GRB10: variants seen among roughly 807,000 people sequenced by gnomAD.
GRB10 encodes growth factor receptor-bound protein 10.
Under a neutral mutation model 80.9 loss-of-function variants are expected in GRB10, and 20 were observed. The observed-to-expected ratio is 0.25, with a 90% CI of 0.17 to 0.36. The LOEUF (loss-of-function observed/expected upper bound fraction) is 0.36. Ranked by LOEUF, GRB10 falls within the 10% of genes least tolerant of loss-of-function variation. The pLI is 1.00. For synonymous variants in GRB10, 291 were observed against 291.5 expected, an observed-to-expected ratio of 1.00 and a Z score of 0.02; for missense variants, 548 against 747.7, an observed-to-expected ratio of 0.73 and a Z score of 3.12.
At chr7:50,736,440 A>G (rs2070803712) in intron 3 of GRB10, among the ~76,000 whole-genome samples, 1 of 152,154 alleles carries the variant, frequency 6.6e-6, no homozygotes, top group South Asian at 2.1e-4. Context: ...TGGTCAACTG[A>G]TTTTCAGTAA....
At chr7:50,674,338 C>T (rs2060669469) in intron 6 of GRB10, 98 bp downstream of exon 6, 3 of 1,210,456 alleles carry the variant, frequency 2.5e-6, no homozygotes, top group East Asian at 4.8e-5. Context: ...GCAAGACCAA[C>T]ACTATTCCCC....
At chr7:50,642,539 T>A (rs1002512659) in intron 7 of GRB10, among the ~76,000 whole-genome samples, 18 of 152,172 alleles carry the variant, frequency 1.2e-4, no homozygotes, top group African/African-American at 4.3e-4. Context: ...ATTGCTAATT[T>A]AAAAATACAA....
At chr7:50,756,149 C>T (rs2075045776) in intron 2 of GRB10, 93 bp from the exon 3 acceptor site, 1 of 398,054 alleles carries the variant, frequency 2.5e-6, no homozygotes, top group African/African-American at 2.1e-5. Context: ...TTAAAACAGA[C>T]ATGAAAGAAT....
intron 5 of GRB10, among the ~76,000 whole-genome samples, chr7:50,685,483 C>A (rs1018960367): frequency 1.3e-5 from 2 of 151,998 alleles, no homozygotes; most frequent in African/African-American, 4.8e-5. Context: ...TACTGGAGCC[C>A]GAAGGAGGGA....
chr7:50,770,223 T>A (rs2076844803), intron 2 of GRB10, among the ~76,000 whole-genome samples: 1 of 152,196 alleles, frequency 6.6e-6, no homozygotes. Flanking sequence ...CCAGGCTGCA[T>A]CCACGTTTTA....
intron 5 of GRB10, among the ~76,000 whole-genome samples, chr7:50,692,127 C>A (rs2062886860): frequency 6.6e-6 from 1 of 152,140 alleles, no homozygotes; most frequent in Non-Finnish European, 1.5e-5. Context: ...ACAGCATTTA[C>A]ATTGCATTAA....
intron 4 of GRB10, among the ~76,000 whole-genome samples, chr7:50,709,006 A>T (rs997357361): frequency 3.3e-5 from 5 of 152,064 alleles, no homozygotes; most frequent in African/African-American, 1.2e-4. Context: ...GCCCTTAATC[A>T]CTATGCTCTC....
intron 4 of GRB10, among the ~76,000 whole-genome samples, chr7:50,714,024 A>G (rs2066421992): frequency 6.6e-6 from 1 of 150,428 alleles, no homozygotes; most frequent in Non-Finnish European, 1.5e-5. Context: ...CATTATCTCT[A>G]TATCCTCCTC....
At chr7:50,733,861 G>A (rs561694301) in intron 3 of GRB10, among the ~76,000 whole-genome samples, 4 of 152,278 alleles carry the variant, frequency 2.6e-5, no homozygotes, top group South Asian at 4.1e-4. Context: ...TAAAGGAAAT[G>A]ACCCTTAACA....
chr7:50,604,241 G>C lies in GRB10; in HGVS notation c.1456+70C>G, dbSNP rs373021745. On this transcript the variant is annotated intron_variant, in intron 16 of 18. Coordinates refer to ENST00000401949, the MANE Select transcript of GRB10 (RefSeq NM_001350814.2). ...GCCACAGGCAAATTCGTAAGGCTGA[G>C]GGGGAGTGGAGGGGGGTGCTGTTTG... 2.9e-5 allele frequency: 40 copies of C among 1,384,752 alleles called. No individual in the cohort carries two copies. The African/African-American group carries it at 5.1e-4, about 18-fold the overall frequency. The allele number at this position is 1,384,752 out of a possible 1,614,324, so 85.8% of individuals were successfully genotyped here.
intron 5 of GRB10, among the ~76,000 whole-genome samples, chr7:50,691,539 G>C (rs2062817306): frequency 6.6e-6 from 1 of 152,220 alleles, no homozygotes; most frequent in Non-Finnish European, 1.5e-5. Context: ...AGCTGGAGAA[G>C]TCACTTAAAC....
chr7:50,714,184 A>C (rs17151254), intron 4 of GRB10, among the ~76,000 whole-genome samples: 1,602 of 152,346 alleles, frequency 0.011, 28 homozygotes, highest in African/African-American at 0.035. Context: ...TTAATTTGTT[A>C]GAATAGTCAA....
At chr7:50,756,093 GA>G (rs1341101732) in intron 2 of GRB10, 37 bp from the exon 3 acceptor site, 1 of 398,526 alleles carries the variant, frequency 2.5e-6, no homozygotes, top group Non-Finnish European at 4.4e-6. Context: ...AACTTCCGTA[GA>G]ATTTATACAA....
intron 3 of GRB10, among the ~76,000 whole-genome samples, chr7:50,749,333 T>C (rs2073721212): frequency 6.6e-6 from 1 of 152,118 alleles, no homozygotes; most frequent in Non-Finnish European, 1.5e-5. Context: ...TTCATCATGT[T>C]GGCCAGGCTG....
At chr7:50,681,190 G>A (rs777030938) in intron 5 of GRB10, among the ~76,000 whole-genome samples, 29 of 152,190 alleles carry the variant, frequency 1.9e-4, no homozygotes, top group Admixed American at 2.6e-4. Flanking sequence ...CTACAACCAC[G>A]AAGATGAGGC....
chr7:50,746,631 T>C (rs1353251078), intron 3 of GRB10, among the ~76,000 whole-genome samples: 1 of 152,136 alleles, frequency 6.6e-6, no homozygotes, highest in Non-Finnish European at 1.5e-5. Flanking sequence ...GTGCTGCAAA[T>C]CTTCATTCAC....
intron 5 of GRB10, among the ~76,000 whole-genome samples, chr7:50,684,534 T>A (rs2061901321): frequency 6.6e-6 from 1 of 152,138 alleles, no homozygotes. Flanking sequence ...ATTACTAAGA[T>A]CCCGTCAGGC....
intron 4 of GRB10, among the ~76,000 whole-genome samples, chr7:50,714,653 ACT>A (rs1273100183): frequency 8.3e-6 from 1 of 120,470 alleles, no homozygotes; most frequent in Non-Finnish European, 1.7e-5. Context: ...ACATAGCGAG[ACT>A]CTGTCTCAAA....
intron 1 of GRB10, among the ~76,000 whole-genome samples, chr7:50,789,756 A>G (rs775444701): frequency 2.0e-5 from 3 of 152,028 alleles, no homozygotes; most frequent in Non-Finnish European, 4.4e-5. Flanking sequence ...AATACAGGGG[A>G]AAAGAAAAAA....
Sources: allele counts gnomAD v4.1 joint callset (sites outside exome capture counted in the v4.1 genomes callset), GRCh38; gene constraint gnomAD v4.1.1; transcripts MANE v1.5; gene names NCBI Gene and HGNC (gene_info 2026-07-23, HGNC 2026-07-21).